Variants in MCTP2 observed in about 807,000 individuals in gnomAD.
The protein encoded by MCTP2 is multiple C2 and transmembrane domain containing 2, also known as multiple C2 and transmembrane domain-containing protein 2.
A neutral mutation model predicts 111.6 loss-of-function variants in MCTP2; 132 were observed. That is an observed-to-expected ratio of 1.18 (90% CI 1.03 to 1.37). The LOEUF (loss-of-function observed/expected upper bound fraction) is 1.37. MCTP2 is among the 40% of genes most tolerant of loss of function. The pLI, the probability that MCTP2 is intolerant of heterozygous loss-of-function variation, is 0.00. For synonymous variants in MCTP2, 395 were observed against 387.7 expected, an observed-to-expected ratio of 1.02 and a Z score of -0.22; for missense variants, 1,183 against 1,067.9, an observed-to-expected ratio of 1.11 and a Z score of -1.50.
intron 1 of MCTP2, among the ~76,000 whole-genome samples, chr15:94,243,690 T>C (rs1356670738): frequency 2.1e-5 from 3 of 143,360 alleles, no homozygotes; most frequent in African/African-American, 7.9e-5. Context: ...TGTATACACA[T>C]ACATATGCGT....
At chr15:94,246,144 G>A (rs1431625702) in intron 1 of MCTP2, among the ~76,000 whole-genome samples, 1 of 152,030 alleles carries the variant, frequency 6.6e-6, no homozygotes, top group East Asian at 1.9e-4. Context: ...GAACTTTGCT[G>A]AAGGACCCTT....
At chr15:94,394,962 G>A (rs958991159) in intron 14 of MCTP2, among the ~76,000 whole-genome samples, 4 of 152,090 alleles carry the variant, frequency 2.6e-5, no homozygotes, top group Non-Finnish European at 4.4e-5. Context: ...AAATGGAGGC[G>A]GTCTAGGGTG....
intron 12 of MCTP2, among the ~76,000 whole-genome samples, chr15:94,378,993 T>C (rs547597546): frequency 6.6e-6 from 1 of 152,244 alleles, no homozygotes; most frequent in Admixed American, 6.5e-5. Context: ...GTCTGGGGTC[T>C]CCCTGGAGGT....
intron 19 of MCTP2, among the ~76,000 whole-genome samples, chr15:94,453,671 TATAA>T (rs546711741): frequency 2.8e-4 from 43 of 152,360 alleles, no homozygotes; most frequent in African/African-American, 7.5e-4. Flanking sequence ...TTTTTCAGTA[TATAA>T]ATAAAAACAC....
intron 17 of MCTP2, among the ~76,000 whole-genome samples, chr15:94,409,475 A>G (rs1457914616): frequency 2.6e-5 from 4 of 152,228 alleles, no homozygotes; most frequent in Non-Finnish European, 4.4e-5. Flanking sequence ...TTCCTATTCC[A>G]TTAGTTCCAT....
intron 12 of MCTP2, among the ~76,000 whole-genome samples, chr15:94,378,752 A>G (rs1394892606): frequency 1.3e-5 from 2 of 152,152 alleles, no homozygotes; most frequent in African/African-American, 4.8e-5. Context: ...TGTGATGCTG[A>G]GGAAGTCATT....
intron 20 of MCTP2, among the ~76,000 whole-genome samples, chr15:94,461,557 A>G (rs1030642829): frequency 6.6e-6 from 1 of 152,144 alleles, no homozygotes; most frequent in Admixed American, 6.5e-5. Context: ...TTCTATCATT[A>G]TGGAGTGAGG....
intron 9 of MCTP2, among the ~76,000 whole-genome samples, chr15:94,356,781 A>T (rs2078650329): frequency 6.6e-6 from 1 of 152,194 alleles, no homozygotes. Context: ...ATAATAAACT[A>T]TCCAAAGTAT....
chr15:94,251,819 A>G (rs988054745), intron 1 of MCTP2, among the ~76,000 whole-genome samples: 2 of 152,164 alleles, frequency 1.3e-5, no homozygotes, highest in Non-Finnish European at 2.9e-5. Context: ...CCTGACAGCC[A>G]TCATTCTACT....
At position 94,474,407 on chromosome 15, in the gene MCTP2, C is replaced by T. The variant is rs114062182; in HGVS notation, c.2471-2289C>T. On this transcript the variant is annotated intron_variant, in intron 21 of 22. Coordinates refer to ENST00000357742, the MANE Select transcript of MCTP2 (RefSeq NM_001385001.1). ...GTGATTCTCCCATCTACCCAAGAAA[C>T]TCTATAAGGAGGTCTTTATTATTCA... Among the ~76,000 whole-genome samples the T allele has an allele frequency of 2.7e-3, 410 of 152,282 alleles. 3 individuals are homozygous for T. The highest frequency in any genetic ancestry group is 9.5e-3 in the African/African-American group (395 of 41,552).
intron 12 of MCTP2, among the ~76,000 whole-genome samples, chr15:94,383,400 A>G (rs2080264928): frequency 6.6e-6 from 1 of 152,186 alleles, no homozygotes. Flanking sequence ...ACTCCTGTGA[A>G]ATGTGTATGT....
intron 19 of MCTP2, among the ~76,000 whole-genome samples, chr15:94,457,862 C>T (rs537637256): frequency 5.5e-4 from 83 of 152,238 alleles, no homozygotes; most frequent in African/African-American, 1.7e-3. Context: ...GCAGCCTCCA[C>T]GGGGAAGTGA....
intron 1 of MCTP2, among the ~76,000 whole-genome samples, chr15:94,244,476 A>G (rs1371145002): frequency 2.0e-5 from 3 of 147,332 alleles, no homozygotes; most frequent in East Asian, 2.1e-4. Context: ...ATATGCACCT[A>G]TGTTTATATA....
chr15:94,290,438 CT>C (rs542135386), intron 1 of MCTP2, among the ~76,000 whole-genome samples: 392 of 152,120 alleles, frequency 2.6e-3, no homozygotes, highest in Non-Finnish European at 4.1e-3. Context: ...AAAATCATAA[CT>C]GATAAATTAA....
At chr15:94,372,777 T>TA (rs140443074) in intron 12 of MCTP2, among the ~76,000 whole-genome samples, 20,648 of 148,398 alleles carry the variant, frequency 0.14, 1,560 homozygotes, top group Middle Eastern at 0.21. Flanking sequence ...ACCCACAAAT[T>TA]AAAAAAAAAA....
At chr15:94,286,037 G>T (rs1455336086) in intron 1 of MCTP2, among the ~76,000 whole-genome samples, 2 of 152,196 alleles carry the variant, frequency 1.3e-5, no homozygotes, top group African/African-American at 2.4e-5. Context: ...TTAGTAAAAA[G>T]TTGAAATGGT....
intron 12 of MCTP2, among the ~76,000 whole-genome samples, chr15:94,371,013 G>C (rs550696902): frequency 6.6e-6 from 1 of 151,736 alleles, no homozygotes; most frequent in Admixed American, 6.6e-5. Flanking sequence ...CACTATATTC[G>C]TACAGCCTCT....
In MCTP2 at chr15:94,258,895, A is replaced by T. The variant is rs115642446; in HGVS notation, c.-66+27231A>T. The stretch of plus-strand genomic sequence containing the variant: ...ATTCTTTTGATCATACGCCCTATCA[A>T]GCAGGTACTTTTTGAGCAGACACAC... On this transcript the variant is annotated intron_variant, in intron 1 of 22. Transcript: ENST00000357742. 4.9e-3 allele frequency among the ~76,000 whole-genome samples: 748 copies of T among 152,326 alleles called. 7 individuals carry two copies. The highest frequency in any genetic ancestry group is 0.017 in the African/African-American group (713 of 41,572).
chr15:94,260,790 A>G (rs147838575), intron 1 of MCTP2, among the ~76,000 whole-genome samples: 134 of 152,310 alleles, frequency 8.8e-4, no homozygotes, highest in African/African-American at 3.2e-3. Context: ...AGCCAACGGC[A>G]TTCCAACGTT....
Sources: allele counts gnomAD v4.1 joint callset (sites outside exome capture counted in the v4.1 genomes callset), GRCh38; gene constraint gnomAD v4.1.1; transcripts MANE v1.5; gene names NCBI Gene and HGNC (gene_info 2026-07-23, HGNC 2026-07-21).